PXDNL: variants seen among roughly 807,000 people sequenced by gnomAD.
The protein encoded by PXDNL is peroxidasin like.
A neutral mutation model predicts 150.8 loss-of-function variants in PXDNL; 145 were observed. The ratio of observed to expected loss-of-function variants is 0.96; its 90% confidence interval spans 0.84 to 1.10. The LOEUF (loss-of-function observed/expected upper bound fraction) is 1.10. Ranked by LOEUF, PXDNL falls within the 50% of genes least tolerant of loss-of-function variation. The pLI is 0.00. For synonymous variants in PXDNL, 757 were observed against 725.7 expected (o/e 1.04, Z -0.69); for missense variants, 2,087 against 1,873.9 (o/e 1.11, Z -2.10).
chr8:51,471,953 G>A (rs1810346545), intron 8 of PXDNL, among the ~76,000 whole-genome samples: 1 of 152,128 alleles, frequency 6.6e-6, no homozygotes, highest in Admixed American at 6.5e-5. Context: ...GCCTCCCAAA[G>A]TGCTGGGATT....
intron 1 of PXDNL, among the ~76,000 whole-genome samples, chr8:51,776,615 T>C (rs2037356726): frequency 6.6e-6 from 1 of 152,182 alleles, no homozygotes. Context: ...GGCCTTGACC[T>C]GGCACCTTGC....
chr8:51,339,927 CAGATA>C (rs1435234354), intron 20 of PXDNL, 174 bp from the exon 21 acceptor site: 1 of 530,094 alleles, frequency 1.9e-6, no homozygotes, highest in Non-Finnish European at 3.3e-6. Context: ...AATTAAATGG[CAGATA>C]AGATGATAAT....
At chr8:51,568,917 A>G (rs1812876421) in intron 3 of PXDNL, among the ~76,000 whole-genome samples, 2 of 151,832 alleles carry the variant, frequency 1.3e-5, no homozygotes, top group Admixed American at 6.6e-5. Context: ...AATTTCTGCT[A>G]CAGTGTTTTT....
intron 19 of PXDNL, among the ~76,000 whole-genome samples, chr8:51,357,165 A>G (rs762315237): frequency 6.6e-6 from 1 of 152,232 alleles, no homozygotes; most frequent in Non-Finnish European, 1.5e-5. Flanking sequence ...TATTTGAATC[A>G]GAATATAGTC....
At chr8:51,694,491 C>T (rs568414556) in intron 1 of PXDNL, among the ~76,000 whole-genome samples, 3 of 152,370 alleles carry the variant, frequency 2.0e-5, no homozygotes, top group African/African-American at 7.2e-5. Flanking sequence ...CTCACATTTA[C>T]AGTAACCCTT....
At position 51,374,725 on chromosome 8, in the gene PXDNL, G is replaced by A. The variant is rs376124066; in HGVS notation, c.3564C>T (p.Tyr1188=). The change falls in exon 18 of 23, where the codon TAC becomes TAT. Residue 1188 remains tyrosine (Y), a synonymous_variant. Coordinates refer to ENST00000356297, the MANE Select transcript of PXDNL (RefSeq NM_144651.5). ...SEIRQKLRKL[Y]GSPGDIDLWP... ...AGAGGTCAATGTCACCTGGAGAGCCGTACAACCTGGAACAGAGACAGGCAG... is the reference window on the plus strand; with the variant it reads ...AGAGGTCAATGTCACCTGGAGAGCCATACAACCTGGAACAGAGACAGGCAG... 4.5e-5 allele frequency: 72 copies of A among 1,613,532 alleles called. 2 individuals are homozygous for A. In the Admixed American group the frequency reaches 5.5e-4, roughly 12 times the overall value.
chr8:51,510,134 G>A (rs1394789118), intron 4 of PXDNL, among the ~76,000 whole-genome samples: 1 of 152,156 alleles, frequency 6.6e-6, no homozygotes, highest in Non-Finnish European at 1.5e-5. Flanking sequence ...CCTATGAAAT[G>A]TAGGGGGAGT....
intron 2 of PXDNL, among the ~76,000 whole-genome samples, chr8:51,617,361 A>G (rs559386770): frequency 1.3e-3 from 199 of 152,374 alleles, no homozygotes; most frequent in African/African-American, 4.2e-3. Context: ...ATGCAAATAA[A>G]GGATACAAAC....
chr8:51,381,729 T>C (rs1018713088), intron 17 of PXDNL, among the ~76,000 whole-genome samples: 3 of 151,592 alleles, frequency 2.0e-5, no homozygotes, highest in Non-Finnish European at 2.9e-5. Flanking sequence ...TCTCGGCTAC[T>C]GAAAGCTCCA....
rs1350973218 is a variant in PXDNL at position 51,800,116 on chromosome 8, T to G, written c.164+9065A>C. Among the ~76,000 whole-genome samples, 3 of 152,194 alleles carry G rather than the reference T, an allele frequency of 2.0e-5. No individual in the cohort carries two copies. The East Asian group carries it at 5.8e-4, about 30-fold the overall frequency. On this transcript the variant is annotated intron_variant, in intron 1 of 22. Transcript: ENST00000356297. ...CGTTTCAGTCCAGGCAACTCCCTGTTAAACACAGAGTGGTCCACAGCACTC... is the reference window on the plus strand; with the variant it reads ...CGTTTCAGTCCAGGCAACTCCCTGTGAAACACAGAGTGGTCCACAGCACTC...
chr8:51,676,829 A>G (rs772365799), intron 1 of PXDNL, among the ~76,000 whole-genome samples: 1 of 152,226 alleles, frequency 6.6e-6, no homozygotes, highest in Non-Finnish European at 1.5e-5. Flanking sequence ...AGTAATAAGC[A>G]TTCTTTGATT....
chr8:51,684,348 A>G (rs1420074057), intron 1 of PXDNL, among the ~76,000 whole-genome samples: 1 of 152,230 alleles, frequency 6.6e-6, no homozygotes, highest in African/African-American at 2.4e-5. Context: ...GGATGCTTCT[A>G]GACAGTGTAA....
At chr8:51,621,439 T>C (rs1203146643) in intron 2 of PXDNL, among the ~76,000 whole-genome samples, 1 of 124,176 alleles carries the variant, frequency 8.1e-6, no homozygotes, top group East Asian at 2.1e-4. Flanking sequence ...AGAATGAGTG[T>C]GTGTGTGTCT....
intron 19 of PXDNL, among the ~76,000 whole-genome samples, chr8:51,346,709 C>G (rs948375365): frequency 6.6e-6 from 1 of 152,056 alleles, no homozygotes; most frequent in Non-Finnish European, 1.5e-5. Flanking sequence ...CGTGGGACCT[C>G]CCGTACTCTC....
At chr8:51,727,960 A>G (rs1816845052) in intron 1 of PXDNL, among the ~76,000 whole-genome samples, 1 of 152,256 alleles carries the variant, frequency 6.6e-6, no homozygotes, top group Non-Finnish European at 1.5e-5. Flanking sequence ...TAAACAAAAA[A>G]GAAAAGTTAA....
rs1236843720 is a variant in PXDNL at position 51,553,771 on chromosome 8, T to TATATATATATATATATAC, written c.380+3068_380+3069insGTATATATATATATATAT. Among the ~76,000 whole-genome samples the TATATATATATATATATAC allele has an allele frequency of 2.6e-3, 167 of 63,558 alleles. 1 individual carries two copies. Among genetic ancestry groups the TATATATATATATATATAC allele is most frequent in the African/African-American group, 0.015 (158 of 10,492 alleles). The allele number at this position is 63,558 out of a possible 152,430, so 41.7% of individuals were successfully genotyped here. A position where few individuals can be genotyped will look rare whatever the true frequency, so the allele number is the denominator to read the frequency against. On this transcript the variant is annotated intron_variant, in intron 4 of 22. Coordinates refer to ENST00000356297, the MANE Select transcript of PXDNL (RefSeq NM_144651.5). Reference sequence around the variant, plus strand: ...ATATATATATATATATATATATATATACACACACTGAAAATATAAATCTCG... The same window carrying TATATATATATATATATAC: ...ATATATATATATATATATATATATATATATATATATATATATACACACACACTGAAAATATAAATCTCG...
At chr8:51,505,330 TGCTGGTATC>T (rs57849349) in intron 4 of PXDNL, among the ~76,000 whole-genome samples, 55,595 of 151,588 alleles carry the variant, frequency 0.37, 11,240 homozygotes, top group African/African-American at 0.54. Context: ...TGTGAGAAGT[TGCTGGTATC>T]GCTGGTATCG....
At chr8:51,421,876 G>A (rs1808964431) in intron 14 of PXDNL, among the ~76,000 whole-genome samples, 1 of 152,150 alleles carries the variant, frequency 6.6e-6, no homozygotes, top group African/African-American at 2.4e-5. Flanking sequence ...AGCGCCTTCA[G>A]AATAAATCCG....
At chr8:51,766,225 T>C (rs2037230505) in intron 1 of PXDNL, among the ~76,000 whole-genome samples, 1 of 152,188 alleles carries the variant, frequency 6.6e-6, no homozygotes, top group Non-Finnish European at 1.5e-5. Flanking sequence ...TTAGTTTTAA[T>C]AGTATAGAAA....
Sources: gnomAD v4.1 joint callset for allele counts (sites outside exome capture counted in the v4.1 genomes callset) on GRCh38, gnomAD v4.1.1 for gene constraint, MANE v1.5 for transcripts, NCBI Gene and HGNC (gene_info 2026-07-23, HGNC 2026-07-21) for gene names.